The following FUCA1 variants were observed in gnomAD, a reference collection of about 807,000 sequenced individuals.
FUCA1 encodes the protein alpha-L-fucosidase 1, also known as tissue alpha-L-fucosidase.
In FUCA1, 52 loss-of-function variants were observed where a neutral mutation model predicts 56.8. That is an observed-to-expected ratio of 0.92 (90% CI 0.73 to 1.15). The LOEUF is 1.15. FUCA1 is among the 50% of genes most tolerant of loss of function. FUCA1 has a pLI of 0.00. For synonymous variants in FUCA1, 230 were observed against 226.6 expected (o/e 1.02, Z -0.14); for missense variants, 568 against 592.6 (o/e 0.96, Z 0.43).
In FUCA1 at chr1:23,859,816, G is replaced by A. The variant is rs772678183; in HGVS notation, c.750C>T (p.Tyr250=). The A allele has an allele frequency of 6.8e-6, 11 of 1,607,144 alleles. No homozygotes were observed. Among genetic ancestry groups the A allele is most frequent in the Non-Finnish European group, 9.4e-6 (11 of 1,173,722 alleles). ...WNSTNFLSWL[Y]NDSPVKDEVV... is the part of the protein sequence containing the mutation. ...CACATACCTTGACAGGGCTGTCATT[G>A]TAGAGCCATGAAAGAAAATTTGTGG... The change falls in exon 4 of 8, where the codon TAC becomes TAT. Residue 250 remains tyrosine, a synonymous_variant. Transcript: ENST00000374479.
intron 6 of FUCA1, among the ~76,000 whole-genome samples, chr1:23,847,999 G>A (rs1639176935): frequency 6.6e-6 from 1 of 152,078 alleles, no homozygotes; most frequent in Admixed American, 6.6e-5. Flanking sequence ...TCCAACCTGG[G>A]TGACAGAGTG....
intron 6 of FUCA1, among the ~76,000 whole-genome samples, chr1:23,847,953 C>A (rs139654973): frequency 0.014 from 2,185 of 152,196 alleles, 28 homozygotes; most frequent in Non-Finnish European, 0.024. Flanking sequence ...ACCTTGGAGG[C>A]AGAGGTTGCA....
Position 23,867,142 on chromosome 1 carries a change from C to T in FUCA1, c.389+756G>A, listed in dbSNP as rs148374857. Reference sequence around the variant, plus strand: ...GCAGCCGAATGAATCTTTCTAGAAGCTGATAGTAACCACTCCCTGACTTAA... The same window carrying T: ...GCAGCCGAATGAATCTTTCTAGAAGTTGATAGTAACCACTCCCTGACTTAA... On this transcript the variant is annotated intron_variant, in intron 1 of 7. Transcript: ENST00000374479. The surrounding 1 kb of genome is among the most constrained non-coding windows in gnomAD (Gnocchi z 4.9). 5.8e-3 allele frequency among the ~76,000 whole-genome samples: 885 copies of T among 152,308 alleles called. 3 individuals are homozygous for T. The highest frequency in any genetic ancestry group is 9.2e-3 in the Non-Finnish European group (627 of 68,030).
chr1:23,846,897 T>G (rs1570671624), intron 6 of FUCA1, among the ~76,000 whole-genome samples: 1 of 152,110 alleles, frequency 6.6e-6, no homozygotes. Flanking sequence ...TCTTTTTTTT[T>G]AAGTGATGGA....
Position 23,853,502 on chromosome 1 carries a change from G to A in FUCA1, c.969+858C>T, listed in dbSNP as rs1021822462. Among the ~76,000 whole-genome samples the A allele has an allele frequency of 7.3e-4, 109 of 148,336 alleles. 1 individual carries two copies. Among genetic ancestry groups the A allele is most frequent in the African/African-American group, 2.5e-3 (100 of 40,316 alleles). On this transcript the variant is annotated intron_variant, in intron 5 of 7. Coordinates refer to ENST00000374479, the MANE Select transcript of FUCA1 (RefSeq NM_000147.5). The stretch of plus-strand genomic sequence containing the variant: ...CGGGAGGTGAGGGGCGCCTCTGCCC[G>A]GCCGCCCCTACTGGGAAGTGAGGAG...
chr1:23,845,654 A>T lies in FUCA1; in HGVS notation c.*61T>A. On this transcript the variant is annotated 3_prime_UTR_variant, in exon 8 of 8. Coordinates refer to ENST00000374479, the MANE Select transcript of FUCA1 (RefSeq NM_000147.5). ...TCGTTGATTATAGTGATGGTACTAT[A>T]AGAGAAAAACTGAAGCAGGAAAACA... The T allele has an allele frequency of 6.2e-7, 1 of 1,604,818 alleles. No individual in the cohort carries two copies. The highest frequency in any genetic ancestry group is 2.2e-5 in the East Asian group (1 of 44,834).
chr1:23,866,309 C>G (rs918354928), intron 1 of FUCA1, among the ~76,000 whole-genome samples: 1 of 152,164 alleles, frequency 6.6e-6, no homozygotes, highest in Non-Finnish European at 1.5e-5. Context: ...AAAACTGTTT[C>G]AAAACAACAA....
At chr1:23,845,932 A>G (rs767339809) in intron 7 of FUCA1, 77 bp from the exon 8 acceptor site, 105 of 1,584,072 alleles carry the variant, frequency 6.6e-5, no homozygotes, top group Admixed American at 1.2e-4. Context: ...TATGGTAGGA[A>G]ACAGCCACGC....
chr1:23,851,959 G>A (rs1185310167), intron 5 of FUCA1, among the ~76,000 whole-genome samples: 1 of 151,860 alleles, frequency 6.6e-6, no homozygotes, highest in Non-Finnish European at 1.5e-5. Flanking sequence ...AAACCATCAT[G>A]GCACATGTAT....
chr1:23,852,990 G>A (rs1310308771), intron 5 of FUCA1, among the ~76,000 whole-genome samples: 1 of 147,478 alleles, frequency 6.8e-6, no homozygotes, highest in Non-Finnish European at 1.5e-5. Context: ...TGGAAAATGA[G>A]GAGCGTCTCT....
At chr1:23,856,974 A>G (rs963423976) in intron 4 of FUCA1, among the ~76,000 whole-genome samples, 1 of 151,752 alleles carries the variant, frequency 6.6e-6, no homozygotes, top group Non-Finnish European at 1.5e-5. Flanking sequence ...CCTGGGCGAC[A>G]GTGCGAGACT....
chr1:23,854,822 A>G (rs1639358535), intron 4 of FUCA1, among the ~76,000 whole-genome samples: 1 of 152,230 alleles, frequency 6.6e-6, no homozygotes, highest in Non-Finnish European at 1.5e-5. Flanking sequence ...CAGCCCCCAC[A>G]GCAAAGAAAT....
chr1:23,848,737 C>T lies in FUCA1; in HGVS notation c.1072G>A (p.Val358Ile), dbSNP rs1639195374. The part of the protein sequence containing the change: ...VPIFQERLLA[V>I]GKWLSINGEA... Reference sequence around the variant, plus strand: ...CCATTGATGCTCAGCCATTTCCCAACAGCAAGAAGCCTTTCTTGGAAGATG... The same window carrying T: ...CCATTGATGCTCAGCCATTTCCCAATAGCAAGAAGCCTTTCTTGGAAGATG... The change falls in exon 6 of 8, where the codon GTT (valine) becomes ATT (isoleucine). Residue 358 changes from valine to isoleucine, a missense_variant. Coordinates refer to ENST00000374479, the MANE Select transcript of FUCA1 (RefSeq NM_000147.5). The T allele has an allele frequency of 1.2e-6, 2 of 1,614,206 alleles. No homozygotes were observed. Among genetic ancestry groups the T allele is most frequent in the Non-Finnish European group, 1.7e-6 (2 of 1,180,014 alleles).
In FUCA1 at chr1:23,846,010, AAAGG is replaced by A. The variant is rs1455702138; in HGVS notation, c.1260+60_1260+63del. ...GGGAGAAACCTGGCAGGGAAGGAAG[AAAGG>A]AAGGATCTGCCAATTCCTTTACAGA... On this transcript the variant is annotated intron_variant, in intron 7 of 7. Coordinates refer to ENST00000374479, the MANE Select transcript of FUCA1 (RefSeq NM_000147.5). The A allele has an allele frequency of 1.9e-5, 29 of 1,517,058 alleles. No individual in the cohort carries two copies. The Middle Eastern group carries it at 1.2e-3, about 62-fold the overall frequency. The allele number at this position is 1,517,058 out of a possible 1,614,324, so 94.0% of individuals were successfully genotyped here. A position where few individuals can be genotyped will look rare whatever the true frequency, so the allele number is the denominator to read the frequency against.
At chr1:23,854,707 C>T (rs1463646081) in intron 4 of FUCA1, 147 bp from the exon 5 acceptor site, 1 of 721,464 alleles carries the variant, frequency 1.4e-6, no homozygotes, top group Non-Finnish European at 2.5e-6. Context: ...CTGGAGGGGA[C>T]ATTTGGTAAA....
In FUCA1 at chr1:23,868,206, C is replaced by T; in HGVS notation, c.81G>A (p.Ser27=). 1 of 1,593,758 alleles carries T rather than the reference C, an allele frequency of 6.3e-7. No homozygotes were observed. Among genetic ancestry groups the T allele is most frequent in the Non-Finnish European group, 8.5e-7 (1 of 1,171,152 alleles). Residue 27 remains serine, a synonymous_variant, in exon 1 of 8, where the codon TCG becomes TCA. Coordinates refer to ENST00000374479, the MANE Select transcript of FUCA1 (RefSeq NM_000147.5). ...GGCGCGGAGGCTGGGCCCGACGCAC[C>T]GACTCGGCCGCTCCGAGGAAGAGCA... ...LLLLFLGAAE[S]VRRAQPPRRY... is the part of the protein sequence containing the mutation.
intron 3 of FUCA1, 24 bp downstream of exon 3, chr1:23,863,110 G>A: frequency 6.2e-7 from 1 of 1,612,884 alleles, no homozygotes; most frequent in Non-Finnish European, 8.5e-7. Context: ...AAAGTCATAG[G>A]GCCAAAATAT....
Position 23,846,078 on chromosome 1 carries a change from G to A in FUCA1, c.1256C>T (p.Thr419Ile). 1.2e-6 allele frequency: 2 copies of A among 1,610,578 alleles called. No homozygotes were observed. The highest frequency in any genetic ancestry group is 1.7e-6 in the Non-Finnish European group (2 of 1,176,906). The part of the protein sequence containing the change: ...NLESPITTST[T>I]KITMLGIQGD... ...AGACTGACTAAGCCTCTTTACCTTT[G>A]TAGTTGAGGTAGTTATGGGGGATTC... The change falls in exon 7 of 8, where the codon ACA (threonine) becomes ATA (isoleucine). Residue 419 changes from threonine to isoleucine, a missense_variant. By Grantham distance (89) the Thr-to-Ile change is moderately conservative. Transcript: ENST00000374479.
At position 23,859,807 on chromosome 1, in the gene FUCA1, G is replaced by A. The variant is rs757698879; in HGVS notation, c.759C>T (p.Ser253=). Residue 253 remains serine (S), a synonymous_variant, in exon 4 of 8, where the codon AGC becomes AGT. Coordinates refer to ENST00000374479, the MANE Select transcript of FUCA1 (RefSeq NM_000147.5). ...TNFLSWLYND[S]PVKDEVVVND... is the part of the protein sequence containing the mutation. ...TCATATAATCACATACCTTGACAGG[G>A]CTGTCATTGTAGAGCCATGAAAGAA... 3.1e-6 allele frequency: 5 copies of A among 1,594,778 alleles called. No homozygotes were observed. The East Asian group carries it at 1.1e-4, about 36-fold the overall frequency.
Sources: allele counts gnomAD v4.1 joint callset (sites outside exome capture counted in the v4.1 genomes callset), GRCh38; gene constraint gnomAD v4.1.1; non-coding constraint Gnocchi (gnomAD v3.1); transcripts MANE v1.5; gene names NCBI Gene and HGNC (gene_info 2026-07-23, HGNC 2026-07-21).